The following TENM2 variants were observed in gnomAD, a reference collection of about 807,000 sequenced individuals.
TENM2 encodes teneurin transmembrane protein 2.
TENM2 carries 52 observed loss-of-function variants against 245.2 expected under a neutral mutation model. The ratio of observed to expected loss-of-function variants is 0.21; its 90% CI spans 0.17 to 0.27. The LOEUF is 0.27. Ranked by LOEUF, TENM2 falls within the 10% of genes least tolerant of loss-of-function variation. The pLI is 1.00. For missense variants in TENM2, 3,046 were observed against 3,666.8 expected (o/e 0.83, Z 4.37); for synonymous variants, 1,363 against 1,438.9 (o/e 0.95, Z 1.19).
chr5:167,853,289 C>CAAAAAA (rs777170514), intron 2 of TENM2, among the ~76,000 whole-genome samples: 822 of 24,548 alleles, frequency 0.033, 158 homozygotes, highest in Middle Eastern at 0.062. Flanking sequence ...GACTCCGTCT[C>CAAAAAA]AAAAAAAAAA....
At chr5:167,554,549 A>G (rs756013717) in intron 2 of TENM2, among the ~76,000 whole-genome samples, 8 of 152,300 alleles carry the variant, frequency 5.3e-5, no homozygotes, top group South Asian at 2.1e-4. Context: ...CTGTGGAGAA[A>G]AGACACTTCC....
At position 167,429,607 on chromosome 5, in the gene TENM2, CTTT is replaced by C. The variant is rs10587909; in HGVS notation, c.502+54154_502+54156del. ...AAATTCTCTTTCTCTCTCTCTCTCT[CTTT>C]TTTTTTTTTTTTTTTTTTTGACTTA... On this transcript the variant is annotated intron_variant, in intron 2 of 28. Coordinates refer to ENST00000518659, the Ensembl canonical transcript of TENM2. 1.0e-4 allele frequency among the ~76,000 whole-genome samples: 8 copies of C among 78,704 alleles called. No homozygotes were observed. The East Asian group carries it at 1.2e-3, about 12-fold the overall frequency. The allele number at this position is 78,704 out of a possible 152,430, so 51.6% of individuals were successfully genotyped here.
intron 2 of TENM2, among the ~76,000 whole-genome samples, chr5:167,739,923 C>T (rs976631989): frequency 1.3e-5 from 2 of 152,192 alleles, no homozygotes; most frequent in South Asian, 2.1e-4. Context: ...TTGTGACCCT[C>T]GCTTCCCCTT....
chr5:168,020,027 T>C (rs901514581), intron 5 of TENM2, among the ~76,000 whole-genome samples: 1 of 152,134 alleles, frequency 6.6e-6, no homozygotes, highest in African/African-American at 2.4e-5. Context: ...TTATATACCA[T>C]GTTCTCTGAG....
chr5:167,512,195 A>G (rs1770008692), intron 2 of TENM2, among the ~76,000 whole-genome samples: 11 of 152,216 alleles, frequency 7.2e-5, no homozygotes, highest in Admixed American at 7.2e-4. Context: ...TATGACACAC[A>G]GATCCATGAA....
the TENM2 span, among the ~76,000 whole-genome samples, chr5:167,210,451 ATTTT>A: frequency 3.1e-3 from 309 of 101,220 alleles, 2 homozygotes; most frequent in African/African-American, 0.012. Context: ...TTTTCACTGC[ATTTT>A]TTTTTTTTTT....
At chr5:167,147,577 A>C in the TENM2 span, among the ~76,000 whole-genome samples, 7 of 152,140 alleles carry the variant, frequency 4.6e-5, no homozygotes, top group Admixed American at 4.6e-4. Flanking sequence ...GACAGGGAAT[A>C]TTTCATATGT....
intron 2 of TENM2, among the ~76,000 whole-genome samples, chr5:167,704,288 A>G (rs958435908): frequency 6.6e-6 from 1 of 152,178 alleles, no homozygotes; most frequent in Non-Finnish European, 1.5e-5. Flanking sequence ...TTTATTTGTC[A>G]ATACAGATAA....
At chr5:168,066,029 A>T (rs1790473811) in intron 7 of TENM2, among the ~76,000 whole-genome samples, 1 of 152,190 alleles carries the variant, frequency 6.6e-6, no homozygotes, top group Non-Finnish European at 1.5e-5. Context: ...GGATGCTGCT[A>T]AACACCCTGC....
At chr5:168,156,269 C>CA (rs1554210167) in intron 12 of TENM2, among the ~76,000 whole-genome samples, 3 of 34,234 alleles carry the variant, frequency 8.8e-5, no homozygotes, top group African/African-American at 1.5e-4. Flanking sequence ...AAAAAAAACA[C>CA]TTTTTTTTTT....
At chr5:167,037,374 A>G in the TENM2 span, among the ~76,000 whole-genome samples, 1 of 152,160 alleles carries the variant, frequency 6.6e-6, no homozygotes. Flanking sequence ...TTCTTAACTG[A>G]TCTCAGGTCC....
intron 2 of TENM2, among the ~76,000 whole-genome samples, chr5:167,483,350 A>G (rs1767872794): frequency 1.3e-5 from 2 of 152,168 alleles, no homozygotes; most frequent in African/African-American, 4.8e-5. Context: ...CTGGAGAAAA[A>G]GATAGTCTCA....
At chr5:167,188,707 A>T in the TENM2 span, among the ~76,000 whole-genome samples, 1 of 152,198 alleles carries the variant, frequency 6.6e-6, no homozygotes, top group African/African-American at 2.4e-5. Flanking sequence ...TAGCACAGCC[A>T]GAAGGAGTCT....
chr5:167,222,635 T>A, the TENM2 span, among the ~76,000 whole-genome samples: 1 of 152,202 alleles, frequency 6.6e-6, no homozygotes, highest in Non-Finnish European at 1.5e-5. Flanking sequence ...ACAGCACCTA[T>A]GATTCTCTCT....
At chr5:167,787,436 G>C (rs975955573) in intron 2 of TENM2, among the ~76,000 whole-genome samples, 2 of 152,128 alleles carry the variant, frequency 1.3e-5, no homozygotes, top group Non-Finnish European at 2.9e-5. Flanking sequence ...TCATGACCGG[G>C]GCTTCCTTCT....
At chr5:168,184,857 C>T (rs1760245230) in intron 13 of TENM2, among the ~76,000 whole-genome samples, 1 of 152,148 alleles carries the variant, frequency 6.6e-6, no homozygotes. Flanking sequence ...TAGCAGAGTA[C>T]ACTAGACAGG....
chr5:167,740,716 T>C (rs1184047159), intron 2 of TENM2, among the ~76,000 whole-genome samples: 1 of 152,200 alleles, frequency 6.6e-6, no homozygotes, highest in African/African-American at 2.4e-5. Flanking sequence ...AGGGATCTGA[T>C]ATAGCTCAAT....
At chr5:167,881,738 G>A (rs1476494370) in intron 3 of TENM2, among the ~76,000 whole-genome samples, 1 of 152,142 alleles carries the variant, frequency 6.6e-6, no homozygotes, top group Non-Finnish European at 1.5e-5. Context: ...GTCCCACTGG[G>A]TAGTACAGGC....
chr5:167,039,480 A>G, the TENM2 span, among the ~76,000 whole-genome samples: 1 of 152,184 alleles, frequency 6.6e-6, no homozygotes, highest in Non-Finnish European at 1.5e-5. Context: ...TTAGGCATCT[A>G]TGCTCATAGA....
Sources: allele counts gnomAD v4.1 joint callset (sites outside exome capture counted in the v4.1 genomes callset), GRCh38; gene constraint gnomAD v4.1.1; transcripts MANE v1.5; gene names NCBI Gene and HGNC (gene_info 2026-07-23, HGNC 2026-07-21).